PKHD1: variants seen among roughly 807,000 people sequenced by gnomAD.
The protein encoded by PKHD1 is PKHD1 ciliary IPT domain containing fibrocystin/polyductin.
In PKHD1, 291 loss-of-function variants were observed where a neutral mutation model predicts 412.0. The ratio of observed to expected loss-of-function variants is 0.71; its 90% confidence interval spans 0.64 to 0.78. PKHD1 has a LOEUF of 0.78. Ranked by LOEUF, PKHD1 falls within the 30% of genes least tolerant of loss-of-function variation. The pLI is 0.00. For synonymous variants in PKHD1, 1,777 were observed against 1,821.5 expected, an observed-to-expected ratio of 0.98 and a Z score of 0.62; for missense variants, 4,825 against 4,950.7, an observed-to-expected ratio of 0.97 and a Z score of 0.76.
chr6:51,970,504 C>T (rs1793504985), intron 35 of PKHD1, among the ~76,000 whole-genome samples: 1 of 152,242 alleles, frequency 6.6e-6, no homozygotes, highest in South Asian at 2.1e-4. Context: ...TTTTTGAGGT[C>T]TTGGTCATAA....
intron 63 of PKHD1, among the ~76,000 whole-genome samples, chr6:51,645,653 C>G (rs548231140): frequency 2.1e-4 from 32 of 152,308 alleles, no homozygotes; most frequent in African/African-American, 7.5e-4. Flanking sequence ...CTTAGCCTCC[C>G]AAAGTGCTGG....
intron 52 of PKHD1, among the ~76,000 whole-genome samples, chr6:51,792,946 G>C (rs1453166668): frequency 6.6e-6 from 1 of 152,062 alleles, no homozygotes; most frequent in African/African-American, 2.4e-5. Context: ...ACTGTCACTG[G>C]GCTGGTCCTC....
At chr6:52,055,028 G>A (rs549318767) in intron 19 of PKHD1, among the ~76,000 whole-genome samples, 3 of 152,318 alleles carry the variant, frequency 2.0e-5, no homozygotes, top group African/African-American at 7.2e-5. Context: ...AGCTATCGAA[G>A]CAAAGGATTT....
At chr6:51,780,048 G>A (rs2104523) in intron 53 of PKHD1, among the ~76,000 whole-genome samples, 89,188 of 152,018 alleles carry the variant, frequency 0.59, 26,922 homozygotes, top group East Asian at 0.83. Context: ...TTTCAAAAGT[G>A]AGCTATATTA....
intron 11 of PKHD1, 55 bp downstream of exon 11, chr6:52,069,402 G>T: frequency 8.0e-7 from 1 of 1,248,396 alleles, no homozygotes; most frequent in Non-Finnish European, 1.2e-6. Flanking sequence ...GGGAAGGAGG[G>T]GCCAACATTG....
intron 43 of PKHD1, among the ~76,000 whole-genome samples, chr6:51,894,434 T>C (rs1265913192): frequency 6.6e-6 from 1 of 152,212 alleles, no homozygotes; most frequent in African/African-American, 2.4e-5. Flanking sequence ...GCAGACCACC[T>C]GTGAACATCA....
intron 52 of PKHD1, among the ~76,000 whole-genome samples, chr6:51,814,565 A>T (rs1333946459): frequency 6.6e-6 from 1 of 152,232 alleles, no homozygotes; most frequent in African/African-American, 2.4e-5. Context: ...GAGGTGTGTC[A>T]GGCACCTTGA....
At chr6:51,664,548 T>C (rs961677767) in intron 60 of PKHD1, among the ~76,000 whole-genome samples, 1 of 152,178 alleles carries the variant, frequency 6.6e-6, no homozygotes, top group Admixed American at 6.5e-5. Flanking sequence ...AAACCCTAGA[T>C]TGTGGTAAGG....
chr6:51,666,637 G>A (rs1038731828), intron 60 of PKHD1, among the ~76,000 whole-genome samples: 10 of 151,518 alleles, frequency 6.6e-5, no homozygotes, highest in African/African-American at 2.4e-4. Context: ...CTGGTGCGCT[G>A]CACCCACTAA....
chr6:52,038,337 T>C (rs1804269483), intron 27 of PKHD1, among the ~76,000 whole-genome samples: 1 of 149,024 alleles, frequency 6.7e-6, no homozygotes, highest in African/African-American at 2.5e-5. Context: ...ATCGCACCAC[T>C]GCACTCCAGC....
intron 36 of PKHD1, among the ~76,000 whole-genome samples, chr6:51,949,492 C>T (rs775186385): frequency 1.3e-5 from 2 of 152,116 alleles, no homozygotes; most frequent in Non-Finnish European, 2.9e-5. Flanking sequence ...AGAGAAGGCA[C>T]CCACAGCCCA....
At chr6:52,057,424 CT>C (rs34656811) in intron 16 of PKHD1, among the ~76,000 whole-genome samples, 48,740 of 147,394 alleles carry the variant, frequency 0.33, 8,618 homozygotes, top group African/African-American at 0.48. Flanking sequence ...TTCTATGCAG[CT>C]TTTTTTTTTT....
intron 35 of PKHD1, among the ~76,000 whole-genome samples, chr6:52,005,078 C>T (rs900922974): frequency 2.0e-5 from 3 of 152,152 alleles, no homozygotes; most frequent in African/African-American, 4.8e-5. Context: ...ACTGAGAGCA[C>T]AGAGAAATGG....
intron 35 of PKHD1, among the ~76,000 whole-genome samples, chr6:51,989,648 A>C (rs1445439801): frequency 2.6e-5 from 4 of 151,960 alleles, no homozygotes; most frequent in African/African-American, 7.3e-5. Flanking sequence ...TTTTCACTCG[A>C]GTCATCATTA....
intron 49 of PKHD1, among the ~76,000 whole-genome samples, chr6:51,854,899 G>T (rs1210442507): frequency 6.6e-6 from 1 of 152,216 alleles, no homozygotes; most frequent in Non-Finnish European, 1.5e-5. Context: ...CCTCTCCTGA[G>T]CTCCAAACTG....
Position 52,046,024 on chromosome 6 carries a change from C to T in PKHD1, c.2572G>A (p.Asp858Asn), listed in dbSNP as rs1356107416. Residue 858 changes from aspartate (D) to asparagine (N), a missense_variant, in exon 24 of 67, where the codon GAT becomes AAT. By Grantham distance (23) the Asp-to-Asn change is conservative. Coordinates refer to ENST00000371117, the MANE Select transcript of PKHD1 (RefSeq NM_138694.4). ...CATACCCTGATAAAATTGGGCAAATCCCCAATCTGAGTGGACCAGGACAAG... is the reference window on the plus strand; with the variant it reads ...CATACCCTGATAAAATTGGGCAAATTCCCAATCTGAGTGGACCAGGACAAG... Reference protein sequence around the residue: ...WTLSWSTQIGDLPNFIRVSDE... With the variant: ...WTLSWSTQIGNLPNFIRVSDE... 1.9e-6 allele frequency: 3 copies of T among 1,613,074 alleles called. No individual in the cohort carries two copies. The highest frequency in any genetic ancestry group is 2.5e-6 in the Non-Finnish European group (3 of 1,179,354).
chr6:51,791,325 T>A lies in PKHD1; in HGVS notation c.8351A>T (p.Tyr2784Phe). The change falls in exon 53 of 67, where the codon TAT becomes TTT. Residue 2784 changes from tyrosine (Y) to phenylalanine (F), a missense_variant. Physicochemically the swap from Tyr to Phe is conservative, Grantham distance 22 (BLOSUM62 3). Transcript: ENST00000371117. The stretch of plus-strand genomic sequence containing the variant: ...AGGGAAGTCTAAGGTCCCCATCACA[T>A]ACAGCCCTTTGAAGAATGGAAGATC... ...DTDLPFFKGL[Y>F]VMGTLDFPVD... 1 of 1,613,392 alleles carries A rather than the reference T, an allele frequency of 6.2e-7. No homozygotes were observed. The highest frequency in any genetic ancestry group is 1.1e-5 in the South Asian group (1 of 91,072).
At chr6:51,854,043 A>G (rs1031815415) in intron 49 of PKHD1, among the ~76,000 whole-genome samples, 1 of 151,832 alleles carries the variant, frequency 6.6e-6, no homozygotes, top group Non-Finnish European at 1.5e-5. Context: ...ATTCTTTTTC[A>G]TCCTTTTGAG....
intron 52 of PKHD1, among the ~76,000 whole-genome samples, chr6:51,808,893 T>C (rs961074223): frequency 2.0e-5 from 3 of 152,132 alleles, no homozygotes; most frequent in Non-Finnish European, 2.9e-5. Flanking sequence ...TTACCTTGCA[T>C]AGATTACTCT....
Sources: gnomAD v4.1 joint callset for allele counts (sites outside exome capture counted in the v4.1 genomes callset) on GRCh38, gnomAD v4.1.1 for gene constraint, MANE v1.5 for transcripts, NCBI Gene and HGNC (gene_info 2026-07-23, HGNC 2026-07-21) for gene names.